ZHX2: variants seen among roughly 807,000 people sequenced by gnomAD.
The protein encoded by ZHX2 is zinc fingers and homeoboxes protein 2.
Under a neutral mutation model 21.9 loss-of-function variants are expected in ZHX2, and 6 were observed. The ratio of observed to expected loss-of-function variants is 0.27; its 90% CI spans 0.15 to 0.54. The LOEUF (loss-of-function observed/expected upper bound fraction) is 0.54, where lower values mean the gene tolerates loss of function less well. ZHX2 is among the 20% of genes least tolerant of loss of function. The probability of loss-of-function intolerance (pLI) is 0.95; values close to 1 mark genes in which losing one functional copy is unlikely to be tolerated. For synonymous variants in ZHX2, 434 were observed against 437.1 expected (o/e 0.99, Z 0.09); for missense variants, 908 against 1,090.7 (o/e 0.83, Z 2.36).
chr8:122,883,937 T>C (rs1341830834), intron 2 of ZHX2, among the ~76,000 whole-genome samples: 1 of 152,238 alleles, frequency 6.6e-6, no homozygotes, highest in Non-Finnish European at 1.5e-5. Context: ...TGCCATGTAA[T>C]GACGGGAATA....
intron 2 of ZHX2, among the ~76,000 whole-genome samples, chr8:122,940,049 G>T (rs1271042331): frequency 6.6e-6 from 1 of 152,220 alleles, no homozygotes; most frequent in Non-Finnish European, 1.5e-5. Context: ...CAGGAACTGA[G>T]GTTAGCCATG....
chr8:122,947,054 G>A (rs961113700), intron 2 of ZHX2, among the ~76,000 whole-genome samples: 3 of 134,548 alleles, frequency 2.2e-5, no homozygotes, highest in East Asian at 4.4e-4. Flanking sequence ...CCAGGAGTTC[G>A]AGACCAGCCT....
At chr8:122,786,561 G>A (rs7013002) in intron 1 of ZHX2, among the ~76,000 whole-genome samples, 140,234 of 152,278 alleles carry the variant, frequency 0.92, 64,748 homozygotes, top group African/African-American at 0.98. Flanking sequence ...CACCTCACAT[G>A]TGAACTGTGC....
At chr8:122,800,864 A>C (rs1010087696) in intron 1 of ZHX2, among the ~76,000 whole-genome samples, 7 of 152,370 alleles carry the variant, frequency 4.6e-5, no homozygotes, top group African/African-American at 1.7e-4. Flanking sequence ...AGAGTTGTCA[A>C]AACAGAACCT....
intron 1 of ZHX2, among the ~76,000 whole-genome samples, chr8:122,846,022 G>C (rs966819286): frequency 6.6e-6 from 1 of 152,226 alleles, no homozygotes; most frequent in Non-Finnish European, 1.5e-5. Flanking sequence ...CACTTGTGAG[G>C]CTGCTTTGGA....
At chr8:122,959,650 C>G (rs1813392928) in intron 3 of ZHX2, among the ~76,000 whole-genome samples, 1 of 152,126 alleles carries the variant, frequency 6.6e-6, no homozygotes, top group Non-Finnish European at 1.5e-5. Flanking sequence ...CACTCATTAG[C>G]TCCAATGGTT....
At chr8:122,823,304 C>T (rs981293853) in intron 1 of ZHX2, among the ~76,000 whole-genome samples, 2 of 152,238 alleles carry the variant, frequency 1.3e-5, no homozygotes, top group African/African-American at 4.8e-5. Flanking sequence ...ATACTCAGCT[C>T]TCTCTGACAT....
chr8:122,898,436 A>G (rs1262449636), intron 2 of ZHX2, among the ~76,000 whole-genome samples: 2 of 152,200 alleles, frequency 1.3e-5, no homozygotes, highest in Non-Finnish European at 2.9e-5. Flanking sequence ...CAACCACTTA[A>G]TAGGTACATA....
At chr8:122,826,556 A>G (rs938674146) in intron 1 of ZHX2, among the ~76,000 whole-genome samples, 2 of 152,142 alleles carry the variant, frequency 1.3e-5, no homozygotes, top group Admixed American at 1.3e-4. Flanking sequence ...CAGCCCTTTG[A>G]GGTTGCTGAA....
At chr8:122,824,211 T>G (rs1818213920) in intron 1 of ZHX2, among the ~76,000 whole-genome samples, 1 of 152,190 alleles carries the variant, frequency 6.6e-6, no homozygotes, top group Admixed American at 6.5e-5. Context: ...GCATTTTCTT[T>G]ATGGCATTAA....
Position 122,783,685 on chromosome 8 carries a change from G to T in ZHX2, c.-283+1739G>T, listed in dbSNP as rs566261297. ...AAAAGCGTTTGGATGACGACCAAGTGGAATAAATATCTTGTAAAATGGCAT... is the reference window on the plus strand; with the variant it reads ...AAAAGCGTTTGGATGACGACCAAGTTGAATAAATATCTTGTAAAATGGCAT... On this transcript the variant is annotated intron_variant, in intron 1 of 3. Coordinates refer to ENST00000314393, the MANE Select transcript of ZHX2 (RefSeq NM_014943.5). Among the ~76,000 whole-genome samples the T allele has an allele frequency of 2.4e-4, 37 of 152,248 alleles. No homozygotes were observed. In the South Asian group the frequency reaches 7.0e-3, roughly 29 times the overall value.
At chr8:122,918,281 C>T (rs1000383461) in intron 2 of ZHX2, among the ~76,000 whole-genome samples, 4 of 152,222 alleles carry the variant, frequency 2.6e-5, no homozygotes, top group Admixed American at 2.6e-4. Context: ...TATTAGGCAC[C>T]CATGTGTGCC....
chr8:122,877,249 C>T (rs1037235602), intron 2 of ZHX2, among the ~76,000 whole-genome samples: 6 of 152,104 alleles, frequency 3.9e-5, no homozygotes, highest in African/African-American at 1.4e-4. Context: ...ATGAAATAAA[C>T]ACATAAGAAG....
At chr8:122,810,580 C>CG (rs1414459675) in intron 1 of ZHX2, 28 of 152,314 alleles carry the variant, frequency 1.8e-4, no homozygotes, top group African/African-American at 6.5e-4. Context: ...GTGGGTGAGT[C>CG]TCTGTGGACG....
At chr8:122,803,083 A>G (rs1341490222) in intron 1 of ZHX2, among the ~76,000 whole-genome samples, 3 of 151,890 alleles carry the variant, frequency 2.0e-5, no homozygotes, top group Non-Finnish European at 1.5e-5. Flanking sequence ...GTCAACCTGA[A>G]TTGAAACTCC....
chr8:122,918,041 G>T (rs1239966230), intron 2 of ZHX2, among the ~76,000 whole-genome samples: 1 of 152,068 alleles, frequency 6.6e-6, no homozygotes, highest in Non-Finnish European at 1.5e-5. Flanking sequence ...TCTTGTCTGG[G>T]CTCATCTAGA....
intron 1 of ZHX2, among the ~76,000 whole-genome samples, chr8:122,861,895 T>C (rs1350647274): frequency 7.9e-5 from 12 of 152,218 alleles, no homozygotes; most frequent in Admixed American, 7.9e-4. Flanking sequence ...CAGGTTAGCT[T>C]GTCTCCTGGG....
rs1215186774 is a variant in ZHX2 at position 122,782,516 on chromosome 8, T to TCTCCCCTCG, written c.-283+579_-283+587dup. Reference sequence around the variant, plus strand: ...GTGTGTCTGCTCCCCTCCCTCCCCCTCTCCCCTCGCTCCCCTCTCCCGGTG... The same window carrying TCTCCCCTCG: ...GTGTGTCTGCTCCCCTCCCTCCCCCTCTCCCCTCGCTCCCCTCGCTCCCCTCTCCCGGTG... On this transcript the variant is annotated intron_variant, in intron 1 of 3. Coordinates refer to ENST00000314393, the MANE Select transcript of ZHX2 (RefSeq NM_014943.5). This position sits in a 1 kb window ranked among gnomAD's most constrained non-coding sequence, Gnocchi z 5.3. Among the ~76,000 whole-genome samples, 1 of 150,574 alleles carries TCTCCCCTCG rather than the reference T, an allele frequency of 6.6e-6. No homozygotes were observed. Among genetic ancestry groups the TCTCCCCTCG allele is most frequent in the Non-Finnish European group, 1.5e-5 (1 of 67,664 alleles).
intron 1 of ZHX2, among the ~76,000 whole-genome samples, chr8:122,784,819 C>T (rs780864585): frequency 9.2e-5 from 14 of 152,350 alleles, no homozygotes; most frequent in Middle Eastern, 6.8e-3. Context: ...AGTTAGCTAA[C>T]TTGCCCAAGT....
Sources: allele counts gnomAD v4.1 joint callset (sites outside exome capture counted in the v4.1 genomes callset), GRCh38; gene constraint gnomAD v4.1.1; non-coding constraint Gnocchi (gnomAD v3.1); transcripts MANE v1.5; gene names NCBI Gene and HGNC (gene_info 2026-07-23, HGNC 2026-07-21).